The following PADI3 variants were observed in gnomAD, a reference collection of about 807,000 sequenced individuals.
PADI3 encodes protein-arginine deiminase type-3.
PADI3 carries 53 observed loss-of-function variants against 71.5 expected under a neutral mutation model. That is an observed-to-expected ratio of 0.74 (90% confidence interval 0.59 to 0.93). The LOEUF is 0.93. PADI3 is among the 40% of genes least tolerant of loss of function. The pLI, the probability that PADI3 is intolerant of heterozygous loss-of-function variation, is 0.00. For missense variants in PADI3, 821 were observed against 868.0 expected (o/e 0.95, Z 0.68); for synonymous variants, 361 against 347.5 (o/e 1.04, Z -0.43).
At chr1:17,276,404 T>C (rs1227836467) in intron 11 of PADI3, 115 bp from the exon 12 acceptor site, 3 of 918,602 alleles carry the variant, frequency 3.3e-6, no homozygotes, top group Admixed American at 2.2e-5. Context: ...AAGTAATGCA[T>C]GTTTTTTTGT....
rs117253854 is a variant in PADI3 at position 17,254,546 on chromosome 1, A to G, written c.93-5032A>G. On this transcript the variant is annotated intron_variant, in intron 1 of 15. Transcript: ENST00000375460. ...AAATCACCTGCCGTCTCCAAGGCTC[A>G]GTATTCTCATCTGTAAAGTGGGGAT... 6.3e-3 allele frequency among the ~76,000 whole-genome samples: 961 copies of G among 152,222 alleles called. 12 individuals carry two copies. The highest frequency in any genetic ancestry group is 0.039 in the East Asian group (200 of 5,172).
At chr1:17,270,458 G>A (rs769528798) in intron 7 of PADI3, 47 bp downstream of exon 7, 5 of 1,541,636 alleles carry the variant, frequency 3.2e-6, no homozygotes, top group East Asian at 4.5e-5. Context: ...GGACCAGCCT[G>A]GGCAACATGG....
chr1:17,275,752 A>G (rs969043094), intron 11 of PADI3, among the ~76,000 whole-genome samples: 2 of 152,258 alleles, frequency 1.3e-5, no homozygotes, highest in Admixed American at 1.3e-4. Context: ...AAGCTGTTAG[A>G]ACAGACTTGG....
rs1212682038 is a variant in PADI3 at position 17,280,876 on chromosome 1, A to G, written c.1761+80A>G. On this transcript the variant is annotated intron_variant, in intron 15 of 15. Coordinates refer to ENST00000375460, the MANE Select transcript of PADI3 (RefSeq NM_016233.2). Reference sequence around the variant, plus strand: ...CGAGAGAGGAAAAATGTCTGGTCACAGTCATATTTAGGATTGTGGTGGCCA... The same window carrying G: ...CGAGAGAGGAAAAATGTCTGGTCACGGTCATATTTAGGATTGTGGTGGCCA... The G allele has an allele frequency of 1.4e-5, 22 of 1,546,116 alleles. No individual in the cohort carries two copies. In the East Asian group the frequency reaches 4.9e-4, roughly 34 times the overall value.
intron 11 of PADI3, among the ~76,000 whole-genome samples, chr1:17,276,203 G>A (rs1361707284): frequency 6.6e-6 from 1 of 152,108 alleles, no homozygotes; most frequent in African/African-American, 2.4e-5. Flanking sequence ...CTGGCCTGGT[G>A]GTGCACGCCT....
chr1:17,283,127 A>G lies in PADI3; in HGVS notation c.*48A>G, dbSNP rs1002870591. 3.6e-5 allele frequency: 53 copies of G among 1,458,524 alleles called. 1 individual carries two copies. Among genetic ancestry groups the G allele is most frequent in the Non-Finnish European group, 9.6e-7 (1 of 1,044,538 alleles). 90.3% of individuals were successfully genotyped at this position (1,458,524 alleles called of 1,614,324 possible). ...GTCCCCCTGGGGCGGGCATTGGCCC[A>G]GGTGGTGGAGACAGAGACAGGCCCC... On this transcript the variant is annotated 3_prime_UTR_variant, in exon 16 of 16. Transcript: ENST00000375460.
At chr1:17,254,717 A>ATTTTTTT (rs1247695105) in intron 1 of PADI3, among the ~76,000 whole-genome samples, 3 of 128,460 alleles carry the variant, frequency 2.3e-5, no homozygotes, top group Admixed American at 7.8e-5. Flanking sequence ...AGGCTCCAGC[A>ATTTTTTT]TTTTTTTTTT....
chr1:17,267,955 C>T lies in PADI3; in HGVS notation c.645C>T (p.His215=). 1.2e-6 allele frequency: 2 copies of T among 1,614,196 alleles called. No individual in the cohort carries two copies. The highest frequency in any genetic ancestry group is 8.5e-7 in the Non-Finnish European group (1 of 1,180,054). ...SYDAKRAQVF[H]ICGPEDVCEA... is the part of the protein sequence containing the mutation. ...ATGCCAAACGGGCACAGGTCTTCCA[C>T]ATCTGCGGTGAGTTTGTGCCACTGC... The change falls in exon 6 of 16, where the codon CAC becomes CAT. Residue 215 remains histidine, a synonymous_variant. Transcript: ENST00000375460.
Position 17,270,296 on chromosome 1 carries a change from T to G in PADI3, c.716T>G (p.Val239Gly). The change falls in exon 7 of 16, where the codon GTA (valine) becomes GGA (glycine). Residue 239 changes from valine to glycine, a missense_variant. Coordinates refer to ENST00000375460, the MANE Select transcript of PADI3 (RefSeq NM_016233.2). ...VLGQDKVSYE[V>G]PRLHGDEERF... ...GGCCAAGATAAGGTGTCCTATGAGG[T>G]ACCCCGCTTGCATGGGGATGAGGAG... The G allele has an allele frequency of 1.2e-6, 2 of 1,613,892 alleles. No individual in the cohort carries two copies. The highest frequency in any genetic ancestry group is 1.7e-6 in the Non-Finnish European group (2 of 1,179,962).
At chr1:17,277,488 C>G (rs557317599) in intron 13 of PADI3, among the ~76,000 whole-genome samples, 1 of 152,380 alleles carries the variant, frequency 6.6e-6, no homozygotes, top group Admixed American at 6.5e-5. Flanking sequence ...AGCCACCACA[C>G]CTGGCTGCCC....
chr1:17,270,784 G>A (rs2073236846), intron 7 of PADI3, 95 bp from the exon 8 acceptor site: 3 of 885,580 alleles, frequency 3.4e-6, no homozygotes, highest in Admixed American at 1.9e-5. Context: ...GAGAAGCAAG[G>A]GGTTTTCTTA....
chr1:17,278,594 G>T (rs2073363569), intron 13 of PADI3, among the ~76,000 whole-genome samples: 3 of 151,936 alleles, frequency 2.0e-5, no homozygotes, highest in Non-Finnish European at 4.4e-5. Context: ...GAGAGAGCTG[G>T]CTGGACTGGA....
intron 10 of PADI3, 135 bp from the exon 11 acceptor site, chr1:17,274,500 C>T: frequency 1.4e-6 from 1 of 730,340 alleles, no homozygotes; most frequent in Non-Finnish European, 2.3e-6. Flanking sequence ...CCACCCACCG[C>T]CAATGACTCT....
Position 17,270,117 on chromosome 1 carries a change from G to C in PADI3, c.653-116G>C, listed in dbSNP as rs375706977. 9.3e-5 allele frequency: 109 copies of C among 1,177,056 alleles called. No homozygotes were observed. In the South Asian group the frequency reaches 1.4e-3, roughly 15 times the overall value. The allele number at this position is 1,177,056 out of a possible 1,614,324, so 72.9% of individuals were successfully genotyped here. A position where few individuals can be genotyped will look rare whatever the true frequency, so the allele number is the denominator to read the frequency against. On this transcript the variant is annotated intron_variant, in intron 6 of 15. Coordinates refer to ENST00000375460, the MANE Select transcript of PADI3 (RefSeq NM_016233.2). ...CTTTGCCAGTGGAGGTGAAAGGAGG[G>C]AGTTGTTGGAGGACTTGGAATTTTT...
intron 4 of PADI3, 92 bp downstream of exon 4, chr1:17,265,812 C>T: frequency 9.0e-7 from 1 of 1,112,242 alleles, no homozygotes; most frequent in South Asian, 1.3e-5. Flanking sequence ...ACAGATATCC[C>T]CCTGCCTCCC....
At chr1:17,269,809 G>A (rs1421155547) in intron 6 of PADI3, among the ~76,000 whole-genome samples, 1 of 152,016 alleles carries the variant, frequency 6.6e-6, no homozygotes, top group African/African-American at 2.4e-5. Flanking sequence ...AGTAGAGACA[G>A]GGTTTCACTA....
At chr1:17,273,249 A>T in intron 9 of PADI3, 91 bp from the exon 10 acceptor site, 4 of 924,454 alleles carry the variant, frequency 4.3e-6, no homozygotes, top group Non-Finnish European at 6.7e-6. Flanking sequence ...GGACTTGGTG[A>T]GCAGTCTGCC....
At chr1:17,266,884 A>C (rs1444783682) in intron 5 of PADI3, 48 bp downstream of exon 5, 2 of 1,419,938 alleles carry the variant, frequency 1.4e-6, no homozygotes, top group Non-Finnish European at 2.0e-6. Flanking sequence ...GTCACTGCTC[A>C]GTTACCCCAT....
intron 1 of PADI3, among the ~76,000 whole-genome samples, chr1:17,251,225 C>T (rs1246395708): frequency 6.6e-6 from 1 of 152,178 alleles, no homozygotes; most frequent in Non-Finnish European, 1.5e-5. Context: ...AACCTTCTTA[C>T]AAGGGTGCCA....
Sources: gnomAD v4.1 joint callset for allele counts (sites outside exome capture counted in the v4.1 genomes callset) on GRCh38, gnomAD v4.1.1 for gene constraint, MANE v1.5 for transcripts, NCBI Gene and HGNC (gene_info 2026-07-23, HGNC 2026-07-21) for gene names.